Variants in RBBP8 observed in about 807,000 individuals in gnomAD.
RBBP8 encodes DNA endonuclease RBBP8.
In RBBP8, 88 loss-of-function variants were observed where a neutral mutation model predicts 108.3. The ratio of observed to expected loss-of-function variants is 0.81; its 90% CI spans 0.68 to 0.97. The LOEUF is 0.97. Among genes scored for constraint, RBBP8 ranks in the 50% least tolerant of loss-of-function variants. The pLI is 0.00. For missense variants in RBBP8, 1,023 were observed against 1,049.0 expected, an observed-to-expected ratio of 0.98 and a Z score of 0.34; for synonymous variants, 332 against 348.2, an observed-to-expected ratio of 0.95 and a Z score of 0.52.
intron 18 of RBBP8, among the ~76,000 whole-genome samples, chr18:23,022,669 A>AAATAAAATAAAAAAATAAATAC (rs1278052195): frequency 7.1e-6 from 1 of 141,046 alleles, no homozygotes; most frequent in African/African-American, 2.9e-5. Context: ...AAAATAAAAT[A>AAATAAAATAAAAAAATAAATAC]AATAACTGTA....
intron 2 of RBBP8, among the ~76,000 whole-genome samples, chr18:22,939,868 A>T (rs1157263436): frequency 6.6e-6 from 1 of 152,210 alleles, no homozygotes; most frequent in East Asian, 1.9e-4. Context: ...GGTTTATGTC[A>T]GACCAGGCTT....
intron 6 of RBBP8, among the ~76,000 whole-genome samples, chr18:22,978,999 G>A (rs1246951162): frequency 6.6e-6 from 1 of 152,220 alleles, no homozygotes; most frequent in African/African-American, 2.4e-5. Context: ...TGGGCACAGT[G>A]GCTCATGCCT....
At chr18:22,966,667 G>A (rs900118527) in intron 4 of RBBP8, among the ~76,000 whole-genome samples, 6 of 146,142 alleles carry the variant, frequency 4.1e-5, no homozygotes, top group Non-Finnish European at 7.5e-5. Flanking sequence ...TTTAAAATTC[G>A]TGGCATATGC....
At chr18:22,982,168 G>C (rs373954478) in intron 6 of RBBP8, 50 bp from the exon 7 acceptor site, 3 of 1,556,360 alleles carry the variant, frequency 1.9e-6, no homozygotes, top group African/African-American at 1.4e-5. Flanking sequence ...TGTAGTAAAT[G>C]TTTTAATACT....
intron 5 of RBBP8, among the ~76,000 whole-genome samples, chr18:22,971,558 T>C (rs1273271919): frequency 6.6e-6 from 1 of 152,142 alleles, no homozygotes; most frequent in East Asian, 1.9e-4. Context: ...TTTTGCTTAA[T>C]TGTGAATTTA....
At chr18:22,992,620 T>C in intron 10 of RBBP8, 128 bp from the exon 11 acceptor site, 1 of 693,488 alleles carries the variant, frequency 1.4e-6, no homozygotes, top group Non-Finnish European at 2.4e-6. Flanking sequence ...TTCTCTTTTG[T>C]CATCTAAATG....
At chr18:22,939,391 C>T (rs1165509919) in intron 2 of RBBP8, among the ~76,000 whole-genome samples, 1 of 151,980 alleles carries the variant, frequency 6.6e-6, no homozygotes, top group Non-Finnish European at 1.5e-5. Flanking sequence ...CTGTAATCCC[C>T]GCTACTCAGG....
At chr18:22,947,935 C>T (rs559095011) in intron 3 of RBBP8, among the ~76,000 whole-genome samples, 5 of 152,080 alleles carry the variant, frequency 3.3e-5, no homozygotes, top group South Asian at 2.1e-4. Context: ...TCATGCTCTG[C>T]GTTATTCTAA....
intron 3 of RBBP8, among the ~76,000 whole-genome samples, chr18:22,947,855 A>G (rs1054821326): frequency 6.6e-6 from 1 of 152,082 alleles, no homozygotes; most frequent in African/African-American, 2.4e-5. Context: ...TTATTAAGTA[A>G]TTGAAGTTAG....
chr18:23,017,597 TG>T (rs1489387880), intron 17 of RBBP8, among the ~76,000 whole-genome samples: 1 of 150,366 alleles, frequency 6.7e-6, no homozygotes, highest in Non-Finnish European at 1.5e-5. Flanking sequence ...GAGCTTGTAG[TG>T]AGCCGAGATT....
chr18:22,958,831 T>A (rs1458782364), intron 4 of RBBP8, among the ~76,000 whole-genome samples: 1 of 152,198 alleles, frequency 6.6e-6, no homozygotes, highest in Non-Finnish European at 1.5e-5. Flanking sequence ...CATGAGCCAC[T>A]GTGCTCAGCC....
chr18:22,949,566 T>C (rs2144488108), intron 3 of RBBP8, 52 bp from the exon 4 acceptor site: 1 of 1,282,396 alleles, frequency 7.8e-7, no homozygotes, highest in South Asian at 1.2e-5. Context: ...CTTAGAATTA[T>C]CCTGTTAAGA....
chr18:22,950,987 G>A (rs1911989176), intron 4 of RBBP8, among the ~76,000 whole-genome samples: 1 of 152,208 alleles, frequency 6.6e-6, no homozygotes, highest in Non-Finnish European at 1.5e-5. Flanking sequence ...TTTTAGTGGT[G>A]AAATAATTTA....
At chr18:22,960,645 G>A (rs1197085513) in intron 4 of RBBP8, among the ~76,000 whole-genome samples, 1 of 152,028 alleles carries the variant, frequency 6.6e-6, no homozygotes, top group Non-Finnish European at 1.5e-5. Context: ...ATCCAAGCTG[G>A]GGCGCAGTAG....
intron 14 of RBBP8, among the ~76,000 whole-genome samples, chr18:22,999,422 G>A (rs893248505): frequency 1.3e-5 from 2 of 152,110 alleles, no homozygotes; most frequent in African/African-American, 4.8e-5. Flanking sequence ...AGGCTCATTT[G>A]AGCTTCCTCT....
At chr18:22,967,670 G>C (rs1453250649) in intron 4 of RBBP8, among the ~76,000 whole-genome samples, 51 of 141,444 alleles carry the variant, frequency 3.6e-4, no homozygotes, top group African/African-American at 1.2e-3. Context: ...TTTTTGAGAC[G>C]GAGTCTCGCT....
chr18:22,920,340 C>G (rs1237130182), intron 3 of RBBP8, among the ~76,000 whole-genome samples: 2 of 152,106 alleles, frequency 1.3e-5, no homozygotes, highest in Non-Finnish European at 1.5e-5. Flanking sequence ...TTGCATAACT[C>G]AAGACTAACA....
At chr18:22,977,763 T>C (rs1171397756) in intron 6 of RBBP8, 1 of 152,192 alleles carries the variant, frequency 6.6e-6, no homozygotes, top group Non-Finnish European at 1.5e-5. Context: ...TTATAAGTTA[T>C]ATTTCTTGAT....
rs1383337370 is a variant in RBBP8, at chr18:23,001,704, G to A, written c.2262G>A (p.Leu754=). Residue 754 remains leucine (L), a synonymous_variant, in exon 15 of 19, where the codon TTG becomes TTA. Transcript: ENST00000327155. ...AAGCAGCAGATGAAGAGGAGGAATTGTCTACTGCCACAAAGAAACTACACA... is the reference window on the plus strand; with the variant it reads ...AAGCAGCAGATGAAGAGGAGGAATTATCTACTGCCACAAAGAAACTACACA... ...FSQAADEEEE[L]STATKKLHTH... The A allele has an allele frequency of 6.2e-7, 1 of 1,614,114 alleles. No individual in the cohort carries two copies. Among genetic ancestry groups the A allele is most frequent in the Non-Finnish European group, 8.5e-7 (1 of 1,180,002 alleles).
Sources: allele counts gnomAD v4.1 joint callset (sites outside exome capture counted in the v4.1 genomes callset), GRCh38; gene constraint gnomAD v4.1.1; transcripts MANE v1.5; gene names NCBI Gene and HGNC (gene_info 2026-07-23, HGNC 2026-07-21).